The following AFG1L variants were observed in gnomAD, a reference collection of about 807,000 sequenced individuals.
AFG1L encodes the protein AFG1-like ATPase.
Under a neutral mutation model 62.2 loss-of-function variants are expected in AFG1L, and 53 were observed. The observed-to-expected ratio is 0.85, with a 90% confidence interval of 0.68 to 1.07. AFG1L has a LOEUF of 1.07. Ranked by LOEUF, AFG1L falls within the 50% of genes least tolerant of loss-of-function variation. The pLI is 0.00. For missense variants in AFG1L, 555 were observed against 590.5 expected, an observed-to-expected ratio of 0.94 and a Z score of 0.62; for synonymous variants, 228 against 210.3, an observed-to-expected ratio of 1.08 and a Z score of -0.73.
At chr6:108,446,966 G>A (rs1286135434) in intron 7 of AFG1L, among the ~76,000 whole-genome samples, 2 of 151,964 alleles carry the variant, frequency 1.3e-5, no homozygotes, top group Non-Finnish European at 2.9e-5. Flanking sequence ...GCACTTTTTA[G>A]GCAATGTTTC....
In AFG1L at chr6:108,426,073, C is replaced by T. The variant is rs72938638; in HGVS notation, c.808-21141C>T. Among the ~76,000 whole-genome samples the T allele has an allele frequency of 5.7e-3, 869 of 152,202 alleles. 3 individuals are homozygous for T. The highest frequency in any genetic ancestry group is 9.1e-3 in the Non-Finnish European group (621 of 67,990). On this transcript the variant is annotated intron_variant, in intron 7 of 12. Transcript: ENST00000368977. ...AAATGCTATCCTGGATACTAAAACT[C>T]TAAATAATGAAGCCTCTGTAAATGG...
chr6:108,344,346 C>T (rs1482696382), intron 2 of AFG1L, among the ~76,000 whole-genome samples: 1 of 152,120 alleles, frequency 6.6e-6, no homozygotes, highest in Admixed American at 6.5e-5. Context: ...CTCCTGACCT[C>T]AAGTGATCTG....
intron 6 of AFG1L, among the ~76,000 whole-genome samples, chr6:108,382,948 G>T (rs1449579437): frequency 1.3e-5 from 2 of 152,168 alleles, no homozygotes; most frequent in Non-Finnish European, 2.9e-5. Context: ...TTCTTAAAAG[G>T]TGAAAGAAGC....
At chr6:108,463,258 C>T (rs1772531380) in intron 8 of AFG1L, among the ~76,000 whole-genome samples, 1 of 141,258 alleles carries the variant, frequency 7.1e-6, no homozygotes, top group Admixed American at 7.5e-5. Flanking sequence ...CACTGCACTC[C>T]AGCCTGGGTG....
At chr6:108,465,387 G>GT (rs998968820) in intron 8 of AFG1L, among the ~76,000 whole-genome samples, 8 of 152,150 alleles carry the variant, frequency 5.3e-5, no homozygotes, top group African/African-American at 1.9e-4. Context: ...TACAGTTTGA[G>GT]TTTAATTTTA....
At chr6:108,518,840 C>G (rs1775006780) in intron 11 of AFG1L, among the ~76,000 whole-genome samples, 1 of 152,210 alleles carries the variant, frequency 6.6e-6, no homozygotes, top group African/African-American at 2.4e-5. Flanking sequence ...GTTCTGGACA[C>G]TCACTGGCCT....
chr6:108,454,745 C>T (rs574323914), intron 8 of AFG1L, among the ~76,000 whole-genome samples: 1 of 152,228 alleles, frequency 6.6e-6, no homozygotes, highest in African/African-American at 2.4e-5. Context: ...CTCCGCCTCC[C>T]AGGTTCGAGC....
intron 11 of AFG1L, among the ~76,000 whole-genome samples, chr6:108,515,274 G>T (rs1582691602): frequency 6.6e-6 from 1 of 152,206 alleles, no homozygotes; most frequent in East Asian, 1.9e-4. Flanking sequence ...AAATGTAAAA[G>T]AACAGAAATT....
intron 8 of AFG1L, among the ~76,000 whole-genome samples, chr6:108,455,749 A>G (rs1406054576): frequency 1.3e-5 from 2 of 152,026 alleles, no homozygotes; most frequent in African/African-American, 4.8e-5. Flanking sequence ...TGATTTTTTT[A>G]TACATCTTTC....
intron 1 of AFG1L, among the ~76,000 whole-genome samples, chr6:108,315,828 G>A (rs542228375): frequency 2.2e-4 from 33 of 152,234 alleles, no homozygotes; most frequent in Non-Finnish European, 3.5e-4. Context: ...CTGAAGGATC[G>A]TTTGAGCCCA....
At position 108,524,098 on chromosome 6, in the gene AFG1L, C is replaced by T. The variant is rs1438117790; in HGVS notation, c.*1673C>T. 2.0e-5 allele frequency: 3 copies of T among 152,104 alleles called. No individual in the cohort carries two copies. The highest frequency in any genetic ancestry group is 4.4e-5 in the Non-Finnish European group (3 of 68,006). 9.4% of individuals were successfully genotyped at this position (152,104 alleles called of 1,614,324 possible). On this transcript the variant is annotated 3_prime_UTR_variant, in exon 13 of 13. Coordinates refer to ENST00000368977, the MANE Select transcript of AFG1L (RefSeq NM_145315.5). ...AAAACTCATATACTATATTTTATAACACACTGTCTCTTACTCTTACTATTT... is the reference window on the plus strand; with the variant it reads ...AAAACTCATATACTATATTTTATAATACACTGTCTCTTACTCTTACTATTT...
At position 108,477,217 on chromosome 6, in the gene AFG1L, G is replaced by T. The variant is rs746801710; in HGVS notation, c.987G>T (p.Val329=). Residue 329 remains valine, a synonymous_variant, in exon 10 of 13, where the codon GTG becomes GTT. Coordinates refer to ENST00000368977, the MANE Select transcript of AFG1L (RefSeq NM_145315.5). The stretch of plus-strand genomic sequence containing the variant: ...TAACTAGACCAAGGATTCTAAAAGT[G>T]CAAGGCAGAGAGCTGCGCCTGAATA... The part of the protein sequence containing the change: ...NDLTRPRILK[V]QGRELRLNKA... The T allele has an allele frequency of 6.2e-7, 1 of 1,606,370 alleles. No homozygotes were observed. Among genetic ancestry groups the T allele is most frequent in the East Asian group, 2.2e-5 (1 of 44,638 alleles).
intron 10 of AFG1L, among the ~76,000 whole-genome samples, chr6:108,483,196 T>C (rs1223470708): frequency 6.6e-6 from 1 of 150,392 alleles, no homozygotes; most frequent in East Asian, 2.0e-4. Flanking sequence ...CCATTCTTGT[T>C]AGTTATTTTC....
chr6:108,479,913 G>T (rs1290501854), intron 10 of AFG1L, among the ~76,000 whole-genome samples: 1 of 152,150 alleles, frequency 6.6e-6, no homozygotes, highest in Non-Finnish European at 1.5e-5. Flanking sequence ...GGAGTAGATT[G>T]GTTAACAGTC....
At chr6:108,403,375 C>T (rs112269491) in intron 7 of AFG1L, among the ~76,000 whole-genome samples, 3 of 152,234 alleles carry the variant, frequency 2.0e-5, no homozygotes, top group African/African-American at 4.8e-5. Flanking sequence ...ATCTTTTTGA[C>T]GTGTACTTTG....
intron 8 of AFG1L, among the ~76,000 whole-genome samples, chr6:108,476,248 G>A (rs931953730): frequency 6.6e-6 from 1 of 152,186 alleles, no homozygotes; most frequent in African/African-American, 2.4e-5. Flanking sequence ...AGCTGTAACA[G>A]TGGGCATCAC....
chr6:108,492,939 TAC>T (rs141066470), intron 10 of AFG1L, among the ~76,000 whole-genome samples: 28 of 150,714 alleles, frequency 1.9e-4, no homozygotes, highest in Non-Finnish European at 3.3e-4. Flanking sequence ...CAAATAATTA[TAC>T]ACACACACAC....
chr6:108,327,395 G>A (rs1017026907), intron 2 of AFG1L, among the ~76,000 whole-genome samples: 4 of 152,210 alleles, frequency 2.6e-5, no homozygotes, highest in African/African-American at 7.2e-5. Flanking sequence ...CATAAACTGG[G>A]TAGCTTATAA....
At chr6:108,363,943 A>G (rs1193322154) in intron 5 of AFG1L, among the ~76,000 whole-genome samples, 1 of 152,218 alleles carries the variant, frequency 6.6e-6, no homozygotes, top group African/African-American at 2.4e-5. Context: ...CTGAGACTCA[A>G]GCACTCACAC....
Sources: allele counts gnomAD v4.1 joint callset (sites outside exome capture counted in the v4.1 genomes callset), GRCh38; gene constraint gnomAD v4.1.1; transcripts MANE v1.5; gene names NCBI Gene and HGNC (gene_info 2026-07-23, HGNC 2026-07-21).